The following DPP6 variants were observed in gnomAD, a reference collection of about 807,000 sequenced individuals.
The protein encoded by DPP6 is A-type potassium channel modulatory protein DPP6.
In DPP6, 69 loss-of-function variants were observed where a neutral mutation model predicts 122.6. That is an observed-to-expected ratio of 0.56 (90% CI 0.46 to 0.69). DPP6 has a LOEUF of 0.69. DPP6 is among the 30% of genes least tolerant of loss of function. The pLI is 0.00. For synonymous variants in DPP6, 418 were observed against 433.1 expected (o/e 0.97, Z 0.43); for missense variants, 928 against 1,116.9 (o/e 0.83, Z 2.41).
the DPP6 span, among the ~76,000 whole-genome samples, chr7:153,838,647 G>C: frequency 6.6e-6 from 1 of 152,164 alleles, no homozygotes; most frequent in Non-Finnish European, 1.5e-5. Flanking sequence ...GTGAAATAGC[G>C]TATAGTAAGT....
At chr7:153,928,395 C>CCTTTTTTTTTTTTTTTTTTTTTT (rs1467865041) in intron 1 of DPP6, among the ~76,000 whole-genome samples, 1 of 29,996 alleles carries the variant, frequency 3.3e-5, no homozygotes. Flanking sequence ...TCTTTTCTTT[C>CCTTTTTTTTTTTTTTTTTTTTTT]ATTTTTTTTT....
chr7:154,325,480 A>C lies in DPP6; in HGVS notation c.244-120734A>C, dbSNP rs76820731. On this transcript the variant is annotated intron_variant, in intron 1 of 25. Transcript: ENST00000377770. ...ACTTTAAACCTTTATTTCAAATACA[A>C]GCTGGGTCTTCATTATTCTTTGTTG... Among the ~76,000 whole-genome samples, 971 of 152,314 alleles carry C rather than the reference A, an allele frequency of 6.4e-3. 23 individuals are homozygous for C. Among genetic ancestry groups the C allele is most frequent in the East Asian group, 0.054 (280 of 5,174 alleles).
intron 6 of DPP6, among the ~76,000 whole-genome samples, chr7:154,650,915 G>C (rs546610290): frequency 6.6e-6 from 1 of 152,268 alleles, no homozygotes; most frequent in East Asian, 1.9e-4. Flanking sequence ...CATTAGCACA[G>C]AAAATTTAGA....
intron 1 of DPP6, among the ~76,000 whole-genome samples, chr7:153,911,613 GAT>G (rs1800096739): frequency 6.6e-6 from 1 of 152,230 alleles, no homozygotes; most frequent in Non-Finnish European, 1.5e-5. Context: ...GCAAAGTAAA[GAT>G]AGTACAGATT....
intron 7 of DPP6, among the ~76,000 whole-genome samples, chr7:154,692,725 C>T (rs2131224083): frequency 6.6e-6 from 1 of 152,146 alleles, no homozygotes; most frequent in South Asian, 2.1e-4. Context: ...AGCGCATCTA[C>T]CCATCATCCT....
At chr7:153,780,101 T>G in the DPP6 span, among the ~76,000 whole-genome samples, 2 of 151,666 alleles carry the variant, frequency 1.3e-5, no homozygotes, top group Admixed American at 6.6e-5. Context: ...GGTTATAATT[T>G]AAAGAAATAG....
Position 154,796,046 on chromosome 7 carries a change from G to A in DPP6, c.1299+163G>A, listed in dbSNP as rs542116353. On this transcript the variant is annotated intron_variant, in intron 12 of 25. Coordinates refer to ENST00000377770, the MANE Select transcript of DPP6 (RefSeq NM_130797.4). Reference sequence around the variant, plus strand: ...GCCGGCTCCACTCACGGTGCCTCCCGTTCTCCAGGGTTGCCCAGAGAGCTC... The same window carrying A: ...GCCGGCTCCACTCACGGTGCCTCCCATTCTCCAGGGTTGCCCAGAGAGCTC... 76 of 1,132,928 alleles carry A rather than the reference G, an allele frequency of 6.7e-5. No homozygotes were observed. The African/African-American group carries it at 8.3e-4, about 12-fold the overall frequency. 70.2% of individuals were successfully genotyped at this position (1,132,928 alleles called of 1,614,324 possible). A position where few individuals can be genotyped will look rare whatever the true frequency, so the allele number is the denominator to read the frequency against.
rs1331215011 is a variant in DPP6 at position 154,863,713 on chromosome 7, G to A, written c.1715-4282G>A. On this transcript the variant is annotated intron_variant, in intron 17 of 25. Transcript: ENST00000377770. The surrounding 1 kb of genome is among the most constrained non-coding windows in gnomAD (Gnocchi z 4.1). ...GCCTGTAGTCCCAGCTGCTCAGGAG[G>A]CTAAGGTGGGAGGATTGCTTGAGCC... is the stretch of plus-strand genomic sequence containing the variant. Among the ~76,000 whole-genome samples the A allele has an allele frequency of 6.6e-6, 1 of 151,950 alleles. No homozygotes were observed.
At chr7:154,195,230 G>A (rs566912660) in intron 1 of DPP6, among the ~76,000 whole-genome samples, 2 of 152,216 alleles carry the variant, frequency 1.3e-5, no homozygotes, top group South Asian at 2.1e-4. Context: ...TCGAAAAGAC[G>A]ATCCTTCCTC....
intron 1 of DPP6, among the ~76,000 whole-genome samples, chr7:154,033,558 T>C (rs1027842487): frequency 1.3e-5 from 2 of 152,340 alleles, no homozygotes; most frequent in East Asian, 1.9e-4. Context: ...TGCAGTGTCA[T>C]TGAATTTGCT....
intron 1 of DPP6, chr7:154,026,542 T>C (rs112642677): frequency 0.24 from 37,111 of 151,928 alleles, 5,382 homozygotes; most frequent in African/African-American, 0.41. Flanking sequence ...TGGAGTGTGA[T>C]GAGGTCATGG....
At chr7:154,723,812 G>T (rs1040331677) in intron 7 of DPP6, among the ~76,000 whole-genome samples, 1 of 152,120 alleles carries the variant, frequency 6.6e-6, no homozygotes, top group Admixed American at 6.5e-5. Context: ...TTTCCTAAAA[G>T]AAAACAGCTG....
intron 25 of DPP6, among the ~76,000 whole-genome samples, chr7:154,892,054 C>T (rs1439248963): frequency 2.0e-5 from 3 of 152,188 alleles, no homozygotes; most frequent in East Asian, 1.9e-4. Context: ...GAGGGCCAGG[C>T]ACCGGGGGCG....
At chr7:154,540,464 C>G in intron 3 of DPP6, 68 bp from the exon 4 acceptor site, 1 of 951,540 alleles carries the variant, frequency 1.1e-6, no homozygotes, top group East Asian at 2.5e-5. Flanking sequence ...TTTACATAAG[C>G]ATTCGTCAAA....
chr7:153,863,130 A>G, the DPP6 span, among the ~76,000 whole-genome samples: 1 of 152,140 alleles, frequency 6.6e-6, no homozygotes, highest in African/African-American at 2.4e-5. Flanking sequence ...CTCTTATTAT[A>G]TAACTCTACC....
At chr7:154,812,492 T>C (rs558301138) in intron 16 of DPP6, among the ~76,000 whole-genome samples, 2 of 152,282 alleles carry the variant, frequency 1.3e-5, no homozygotes, top group Admixed American at 6.5e-5. Context: ...GCATGGTTGA[T>C]TCTGGTAAGG....
the DPP6 span, among the ~76,000 whole-genome samples, chr7:153,763,810 A>G: frequency 6.6e-6 from 1 of 152,144 alleles, no homozygotes; most frequent in Admixed American, 6.5e-5. Context: ...TCCATAATAC[A>G]TTTGTTTGTT....
rs140485814 is a variant in DPP6 at position 154,663,653 on chromosome 7, T to A, written c.681-5707T>A. ...GTCATGGTGAATCACCATGGCATAT[T>A]GGCCATAGCGTTCATATAGTCATGG... is the stretch of plus-strand genomic sequence containing the variant. On this transcript the variant is annotated intron_variant, in intron 6 of 25. Coordinates refer to ENST00000377770, the MANE Select transcript of DPP6 (RefSeq NM_130797.4). Among the ~76,000 whole-genome samples the A allele has an allele frequency of 4.2e-5, 2 of 47,272 alleles. 1 individual carries two copies. Among genetic ancestry groups the A allele is most frequent in the Non-Finnish European group, 1.6e-4 (2 of 12,790 alleles). The allele number at this position is 47,272 out of a possible 152,430, so 31.0% of individuals were successfully genotyped here. A position where few individuals can be genotyped will look rare whatever the true frequency, so the allele number is the denominator to read the frequency against.
intron 1 of DPP6, among the ~76,000 whole-genome samples, chr7:154,062,174 T>C (rs565866092): frequency 2.0e-5 from 2 of 101,668 alleles, no homozygotes; most frequent in East Asian, 2.8e-4. Flanking sequence ...CCCACATCGT[T>C]GATCCTAAGA....
Sources: allele counts gnomAD v4.1 joint callset (sites outside exome capture counted in the v4.1 genomes callset), GRCh38; gene constraint gnomAD v4.1.1; non-coding constraint Gnocchi (gnomAD v3.1); transcripts MANE v1.5; gene names NCBI Gene and HGNC (gene_info 2026-07-23, HGNC 2026-07-21).